SHISA9: variants seen among roughly 807,000 people sequenced by gnomAD.
SHISA9 encodes protein shisa-9.
A neutral mutation model predicts 38.0 loss-of-function variants in SHISA9; 13 were observed. The ratio of observed to expected loss-of-function variants is 0.34; its 90% CI spans 0.22 to 0.54. The LOEUF (loss-of-function observed/expected upper bound fraction) is 0.54. SHISA9 is among the 20% of genes least tolerant of loss of function. The probability of loss-of-function intolerance (pLI) is 0.91; values close to 1 mark genes in which losing one functional copy is unlikely to be tolerated. For missense variants in SHISA9, 538 were observed against 575.8 expected (o/e 0.93, Z 0.67); for synonymous variants, 275 against 242.0 (o/e 1.14, Z -1.27).
rs530558183 is a variant in SHISA9, at chr16:12,904,331, A to G, written c.563+1704A>G. 7.9e-5 allele frequency among the ~76,000 whole-genome samples: 12 copies of G among 152,252 alleles called. No individual in the cohort carries two copies. The South Asian group carries it at 2.5e-3, about 32-fold the overall frequency. Reference sequence around the variant, plus strand: ...ATCTCCATCAAGCCCTGCCCTCGCGAACCAGCTCTTAAAAGAGTCCTCCTT... The same window carrying G: ...ATCTCCATCAAGCCCTGCCCTCGCGGACCAGCTCTTAAAAGAGTCCTCCTT... On this transcript the variant is annotated intron_variant, in intron 1 of 4. Transcript: ENST00000558583.
At chr16:13,075,457 G>T (rs999439434) in intron 2 of SHISA9, among the ~76,000 whole-genome samples, 1 of 152,042 alleles carries the variant, frequency 6.6e-6, no homozygotes, top group Non-Finnish European at 1.5e-5. Flanking sequence ...AATCCAAGTT[G>T]TCCTGGTGCA....
At chr16:12,907,518 C>T (rs1408616751) in intron 1 of SHISA9, among the ~76,000 whole-genome samples, 2 of 152,100 alleles carry the variant, frequency 1.3e-5, no homozygotes, top group Non-Finnish European at 2.9e-5. Flanking sequence ...TTTTCCTACA[C>T]AGCACAATTC....
Position 12,902,208 on chromosome 16 carries a change from G to A in SHISA9, c.144G>A (p.Gly48=). The stretch of plus-strand genomic sequence containing the variant: ...TGCTGGCGGGGGGCAACCGCTCCGG[G>A]GCCGCCTCCGGAGAGGCCAGCGAGG... ...VLLLAGGNRS[G]AASGEASEGA... Residue 48 remains glycine (G), a synonymous_variant, in exon 1 of 5, where the codon GGG becomes GGA. Transcript: ENST00000558583. The A allele has an allele frequency of 1.3e-6, 2 of 1,533,032 alleles. No homozygotes were observed. Among genetic ancestry groups the A allele is most frequent in the Non-Finnish European group, 1.7e-6 (2 of 1,144,324 alleles). 95.0% of individuals were successfully genotyped at this position (1,533,032 alleles called of 1,614,324 possible). A position where few individuals can be genotyped will look rare whatever the true frequency, so the allele number is the denominator to read the frequency against.
At chr16:13,052,941 A>G (rs1267366835) in intron 2 of SHISA9, among the ~76,000 whole-genome samples, 1 of 138,922 alleles carries the variant, frequency 7.2e-6, no homozygotes, top group African/African-American at 2.7e-5. Flanking sequence ...ATCCTTTAGG[A>G]TCCCCTTTCC....
chr16:13,246,517 C>G, the SHISA9 span: 9 of 152,190 alleles, frequency 5.9e-5, no homozygotes. Flanking sequence ...AGATAATAAT[C>G]ATCGTAATGC....
intron 2 of SHISA9, among the ~76,000 whole-genome samples, chr16:13,073,869 G>A (rs1174130544): frequency 2.0e-5 from 3 of 152,032 alleles, no homozygotes; most frequent in Non-Finnish European, 4.4e-5. Flanking sequence ...AGGTTCTCCT[G>A]CAGCGCGTCC....
chr16:13,357,088 G>T, the SHISA9 span, among the ~76,000 whole-genome samples: 1 of 152,056 alleles, frequency 6.6e-6, no homozygotes, highest in Admixed American at 6.6e-5. Context: ...ACACGGAGAA[G>T]GGGTGGAGGG....
intron 2 of SHISA9, among the ~76,000 whole-genome samples, chr16:13,064,692 A>G (rs1367616099): frequency 6.6e-6 from 1 of 152,062 alleles, no homozygotes; most frequent in Non-Finnish European, 1.5e-5. Flanking sequence ...ATATTAAAAG[A>G]AAACTTCAAA....
intron 2 of SHISA9, among the ~76,000 whole-genome samples, chr16:13,141,490 T>C (rs1483250322): frequency 6.6e-6 from 1 of 151,916 alleles, no homozygotes; most frequent in African/African-American, 2.4e-5. Flanking sequence ...ATCGAGACCA[T>C]CCTGGCTAAC....
the SHISA9 span, among the ~76,000 whole-genome samples, chr16:13,469,845 G>A: frequency 6.6e-6 from 1 of 151,960 alleles, no homozygotes; most frequent in African/African-American, 2.4e-5. Context: ...GTAATTAAGG[G>A]GAGGGGTGGG....
the SHISA9 span, among the ~76,000 whole-genome samples, chr16:13,482,801 TA>T: frequency 4.0e-4 from 45 of 112,546 alleles, no homozygotes; most frequent in Admixed American, 2.8e-4. Flanking sequence ...ATCCTGTCAC[TA>T]AAAAAAAAAA....
chr16:13,144,895 T>C (rs958453461), intron 2 of SHISA9, among the ~76,000 whole-genome samples: 2 of 152,182 alleles, frequency 1.3e-5, no homozygotes, highest in Admixed American at 1.3e-4. Flanking sequence ...GGGAAAAATC[T>C]AGGCAAGAGA....
chr16:13,448,093 C>G, the SHISA9 span, among the ~76,000 whole-genome samples: 2 of 152,206 alleles, frequency 1.3e-5, no homozygotes, highest in Admixed American at 6.5e-5. Context: ...ACATGAACCT[C>G]TTGCTGCCAG....
the SHISA9 span, among the ~76,000 whole-genome samples, chr16:13,438,434 A>G: frequency 1.3e-5 from 2 of 152,166 alleles, no homozygotes; most frequent in Admixed American, 6.5e-5. Flanking sequence ...GCACACTCTT[A>G]CATATCTAGT....
chr16:13,145,837 A>T (rs12448851), intron 2 of SHISA9, among the ~76,000 whole-genome samples: 13,054 of 152,254 alleles, frequency 0.086, 681 homozygotes, highest in East Asian at 0.24. Context: ...ATCAGTAAAC[A>T]AAACACACAA....
the SHISA9 span, among the ~76,000 whole-genome samples, chr16:13,545,109 A>G: frequency 6.6e-6 from 1 of 152,160 alleles, no homozygotes; most frequent in Non-Finnish European, 1.5e-5. Context: ...GTACTTTCCA[A>G]CTTCATCCTC....
At chr16:13,511,451 CTG>C in the SHISA9 span, among the ~76,000 whole-genome samples, 1 of 152,164 alleles carries the variant, frequency 6.6e-6, no homozygotes, top group South Asian at 2.1e-4. Context: ...ATAACAGAGA[CTG>C]TTGCTTGAAA....
chr16:13,057,583 C>T (rs183725792), intron 2 of SHISA9, among the ~76,000 whole-genome samples: 43 of 152,134 alleles, frequency 2.8e-4, no homozygotes, highest in East Asian at 7.7e-4. Context: ...AATACACTCC[C>T]GAAGGGATCT....
intron 2 of SHISA9, among the ~76,000 whole-genome samples, chr16:13,046,751 C>T (rs562341341): frequency 2.6e-5 from 4 of 152,284 alleles, no homozygotes; most frequent in South Asian, 2.1e-4. Flanking sequence ...CCATTATGAA[C>T]GTCTTTCAGT....
Sources: allele counts gnomAD v4.1 joint callset (sites outside exome capture counted in the v4.1 genomes callset), GRCh38; gene constraint gnomAD v4.1.1; transcripts MANE v1.5; gene names NCBI Gene and HGNC (gene_info 2026-07-23, HGNC 2026-07-21).